The following PTPRD variants were observed in gnomAD, a reference collection of about 807,000 sequenced individuals.
PTPRD encodes the protein protein tyrosine phosphatase receptor type D.
In PTPRD, 34 loss-of-function variants were observed where a neutral mutation model predicts 214.5. The observed-to-expected ratio is 0.16, with a 90% CI of 0.12 to 0.21. The LOEUF (loss-of-function observed/expected upper bound fraction) is 0.21. PTPRD is among the 10% of genes least tolerant of loss of function. The pLI is 1.00. For missense variants in PTPRD, 2,545 were observed against 2,398.7 expected, an observed-to-expected ratio of 1.06 and a Z score of -1.27; for synonymous variants, 1,128 against 845.7, an observed-to-expected ratio of 1.33 and a Z score of -5.79.
intron 44 of PTPRD, among the ~76,000 whole-genome samples, chr9:8,323,047 A>T (rs1254016463): frequency 6.6e-6 from 1 of 152,238 alleles, no homozygotes; most frequent in East Asian, 1.9e-4. Flanking sequence ...TTGAACATCA[A>T]GACAGGCTGA....
At chr9:9,072,002 G>T (rs1017143331) in intron 10 of PTPRD, among the ~76,000 whole-genome samples, 1 of 152,080 alleles carries the variant, frequency 6.6e-6, no homozygotes, top group African/African-American at 2.4e-5. Flanking sequence ...TCACTGCACA[G>T]TCATATCAGA....
chr9:10,423,670 A>C (rs1366707360), intron 2 of PTPRD, among the ~76,000 whole-genome samples: 1 of 151,962 alleles, frequency 6.6e-6, no homozygotes, highest in Admixed American at 6.6e-5. Context: ...GCTCCTGTTA[A>C]TGCAGAGACA....
At chr9:8,788,420 C>A (rs560052950) in intron 11 of PTPRD, among the ~76,000 whole-genome samples, 67 of 151,998 alleles carry the variant, frequency 4.4e-4, no homozygotes, top group Middle Eastern at 3.4e-3. Context: ...GGATTACAGG[C>A]ATGCACCACC....
At chr9:9,833,891 G>C (rs1226907350) in intron 5 of PTPRD, among the ~76,000 whole-genome samples, 2 of 151,922 alleles carry the variant, frequency 1.3e-5, no homozygotes, top group Admixed American at 6.6e-5. Flanking sequence ...TCTTTTTTCA[G>C]GATGTCCACA....
intron 8 of PTPRD, among the ~76,000 whole-genome samples, chr9:9,475,600 T>C (rs1181612326): frequency 1.3e-5 from 2 of 152,226 alleles, no homozygotes; most frequent in Non-Finnish European, 2.9e-5. Flanking sequence ...CTTCTCTGTG[T>C]TGGATTCATG....
chr9:9,101,822 C>A (rs533253210), intron 10 of PTPRD, among the ~76,000 whole-genome samples: 1 of 152,136 alleles, frequency 6.6e-6, no homozygotes, highest in African/African-American at 2.4e-5. Context: ...ATTCCTTAAT[C>A]ATACATATAG....
intron 3 of PTPRD, among the ~76,000 whole-genome samples, chr9:10,285,063 A>G (rs944311220): frequency 6.6e-5 from 10 of 152,196 alleles, no homozygotes; most frequent in African/African-American, 2.2e-4. Context: ...TTAACTGCTT[A>G]CTGGAACTAA....
At chr9:9,679,692 T>C (rs1438563221) in intron 7 of PTPRD, among the ~76,000 whole-genome samples, 1 of 151,852 alleles carries the variant, frequency 6.6e-6, no homozygotes, top group Non-Finnish European at 1.5e-5. Context: ...TTGTTAGCGA[T>C]TAACAGAGTC....
intron 21 of PTPRD, 149 bp downstream of exon 21, chr9:8,517,699 T>C: frequency 1.5e-6 from 1 of 670,570 alleles, no homozygotes; most frequent in Non-Finnish European, 2.6e-6. Context: ...GCTTGTTCCT[T>C]TTCAGATATC....
At chr9:9,269,522 A>C (rs539518605) in intron 9 of PTPRD, among the ~76,000 whole-genome samples, 34 of 151,478 alleles carry the variant, frequency 2.2e-4, no homozygotes, top group Non-Finnish European at 4.6e-4. Flanking sequence ...CTAAATAAAT[A>C]AAATTGAGAT....
intron 2 of PTPRD, among the ~76,000 whole-genome samples, chr9:10,374,129 G>C (rs977520189): frequency 2.0e-5 from 3 of 152,044 alleles, no homozygotes; most frequent in East Asian, 1.9e-4. Context: ...AAGCCCTTTT[G>C]AGGGTCCTCT....
intron 35 of PTPRD, among the ~76,000 whole-genome samples, chr9:8,414,930 G>GTAGAGAGAGAGA (rs2093802531): frequency 2.0e-5 from 1 of 49,252 alleles, no homozygotes; most frequent in Non-Finnish European, 3.7e-5. Flanking sequence ...AGAGGGAGGG[G>GTAGAGAGAGAGA]GAGAGAGAGA....
At chr9:9,355,775 G>C (rs894966732) in intron 9 of PTPRD, among the ~76,000 whole-genome samples, 5 of 151,428 alleles carry the variant, frequency 3.3e-5, no homozygotes, top group Non-Finnish European at 7.4e-5. Flanking sequence ...TAAAATAGAA[G>C]GGTACTAATG....
chr9:10,130,803 G>C lies in PTPRD; in HGVS notation c.-544-97013C>G, dbSNP rs150762808. ...GTGTGCAGATATGATCATTTCCTCAGAGCCAAATTGTACTTTACGTTAGGC... is the reference window on the plus strand; with the variant it reads ...GTGTGCAGATATGATCATTTCCTCACAGCCAAATTGTACTTTACGTTAGGC... On this transcript the variant is annotated intron_variant, in intron 3 of 45. Coordinates refer to ENST00000381196, the MANE Select transcript of PTPRD (RefSeq NM_002839.4). Among the ~76,000 whole-genome samples, 609 of 152,142 alleles carry C rather than the reference G, an allele frequency of 4.0e-3. 3 individuals carry two copies. The highest frequency in any genetic ancestry group is 0.014 in the African/African-American group (564 of 41,532).
chr9:10,419,672 G>C (rs927503440), intron 2 of PTPRD, among the ~76,000 whole-genome samples: 6 of 151,630 alleles, frequency 4.0e-5, no homozygotes, highest in Admixed American at 4.0e-4. Context: ...TCTCTTGGTT[G>C]TCTTCATCTT....
At chr9:9,790,468 A>T (rs1407263223) in intron 5 of PTPRD, among the ~76,000 whole-genome samples, 3 of 152,204 alleles carry the variant, frequency 2.0e-5, no homozygotes, top group African/African-American at 7.2e-5. Flanking sequence ...TGGAGAGGAG[A>T]ATAAATCAAT....
rs555837595 is a variant in PTPRD at position 10,279,156 on chromosome 9, T to C, written c.-545+61807A>G. Among the ~76,000 whole-genome samples, 340 of 152,200 alleles carry C rather than the reference T, an allele frequency of 2.2e-3. 2 individuals carry two copies. The highest frequency in any genetic ancestry group is 8.0e-3 in the African/African-American group (331 of 41,522). Reference sequence around the variant, plus strand: ...TAATCAATCATAATTCTTACTGTTCTCCAATTCATCCCTCCACTCTTGTCA... The same window carrying C: ...TAATCAATCATAATTCTTACTGTTCCCCAATTCATCCCTCCACTCTTGTCA... On this transcript the variant is annotated intron_variant, in intron 3 of 45. Coordinates refer to ENST00000381196, the MANE Select transcript of PTPRD (RefSeq NM_002839.4).
intron 9 of PTPRD, among the ~76,000 whole-genome samples, chr9:9,367,691 G>A (rs934003112): frequency 5.9e-5 from 9 of 151,524 alleles, no homozygotes; most frequent in African/African-American, 1.5e-4. Context: ...TGCCAGAGAC[G>A]TGTTCGGACA....
chr9:8,846,102 TAC>T (rs367615708), intron 11 of PTPRD, among the ~76,000 whole-genome samples: 3 of 152,358 alleles, frequency 2.0e-5, no homozygotes, highest in Non-Finnish European at 4.4e-5. Flanking sequence ...TATGAGTAGA[TAC>T]ACACACTCTA....
Sources: gnomAD v4.1 joint callset for allele counts (sites outside exome capture counted in the v4.1 genomes callset) on GRCh38, gnomAD v4.1.1 for gene constraint, MANE v1.5 for transcripts, NCBI Gene and HGNC (gene_info 2026-07-23, HGNC 2026-07-21) for gene names.